The following NCAM2 variants were observed in gnomAD, a reference collection of about 807,000 sequenced individuals.
NCAM2 encodes the protein neural cell adhesion molecule 2, also known as N-CAM-2.
In NCAM2, 30 loss-of-function variants were observed where a neutral mutation model predicts 98.1. The observed-to-expected ratio is 0.31, with a 90% CI of 0.23 to 0.41. NCAM2 has a LOEUF of 0.41. Among genes scored for constraint, NCAM2 ranks in the 10% least tolerant of loss-of-function variants. The pLI is 1.00. For synonymous variants in NCAM2, 368 were observed against 342.4 expected, an observed-to-expected ratio of 1.07 and a Z score of -0.83; for missense variants, 867 against 1,005.8, an observed-to-expected ratio of 0.86 and a Z score of 1.87.
chr21:21,360,174 G>A (rs1471957283), intron 8 of NCAM2, among the ~76,000 whole-genome samples: 2 of 151,726 alleles, frequency 1.3e-5, no homozygotes, highest in Non-Finnish European at 3.0e-5. Context: ...TAATAAGATG[G>A]AATCCATTAT....
intron 9 of NCAM2, among the ~76,000 whole-genome samples, chr21:21,390,129 C>G (rs1471936898): frequency 6.6e-6 from 1 of 152,008 alleles, no homozygotes; most frequent in Non-Finnish European, 1.5e-5. Flanking sequence ...ATTACAGGTG[C>G]GAGCCACCGC....
intron 12 of NCAM2, among the ~76,000 whole-genome samples, chr21:21,457,471 T>G (rs114595218): frequency 0.061 from 9,327 of 152,018 alleles, 397 homozygotes; most frequent in African/African-American, 0.11. Context: ...GAAACCTTGT[T>G]TCTACCAAAA....
chr21:21,079,681 A>T (rs1383785045), intron 1 of NCAM2, among the ~76,000 whole-genome samples: 1 of 151,954 alleles, frequency 6.6e-6, no homozygotes, highest in Non-Finnish European at 1.5e-5. Flanking sequence ...TCTGCCCCCT[A>T]CCCAGATACT....
At chr21:21,128,818 G>A (rs2066879533) in intron 1 of NCAM2, among the ~76,000 whole-genome samples, 1 of 152,048 alleles carries the variant, frequency 6.6e-6, no homozygotes, top group Non-Finnish European at 1.5e-5. Context: ...CCTTGGAAAT[G>A]GCAAAAATAT....
Position 21,168,368 on chromosome 21 carries a change from C to T in NCAM2, c.56-112210C>T, listed in dbSNP as rs573546695. ...ACTTGGTGTTAAATTAGAGCCTTCCCATTAAGATTCGGGAGTAAGCTCAGG... is the reference window on the plus strand; with the variant it reads ...ACTTGGTGTTAAATTAGAGCCTTCCTATTAAGATTCGGGAGTAAGCTCAGG... On this transcript the variant is annotated intron_variant, in intron 1 of 17. Transcript: ENST00000400546. Among the ~76,000 whole-genome samples the T allele has an allele frequency of 4.7e-4, 71 of 152,102 alleles. 2 individuals carry two copies. The highest frequency in any genetic ancestry group is 7.1e-4 in the Non-Finnish European group (48 of 68,000).
intron 1 of NCAM2, among the ~76,000 whole-genome samples, chr21:21,034,253 A>T (rs755975678): frequency 5.3e-5 from 8 of 152,164 alleles, no homozygotes; most frequent in Non-Finnish European, 1.0e-4. Flanking sequence ...TGGTGTAAGC[A>T]TACACCATAT....
At chr21:21,344,058 G>T (rs184648966) in intron 8 of NCAM2, among the ~76,000 whole-genome samples, 5 of 152,284 alleles carry the variant, frequency 3.3e-5, no homozygotes, top group Middle Eastern at 6.8e-3. Context: ...GCCACAGCAA[G>T]ATAGGGCAAC....
At chr21:21,361,207 G>A (rs1220789127) in intron 8 of NCAM2, among the ~76,000 whole-genome samples, 1 of 151,826 alleles carries the variant, frequency 6.6e-6, no homozygotes, top group African/African-American at 2.4e-5. Context: ...AACTTTTAAA[G>A]CTATTCTTAT....
intron 1 of NCAM2, among the ~76,000 whole-genome samples, chr21:21,097,939 CAA>C (rs929863914): frequency 1.2e-3 from 22 of 18,706 alleles, no homozygotes; most frequent in Non-Finnish European, 5.9e-3. Flanking sequence ...GGGCTTGAAT[CAA>C]GAGTAAAAAT....
intron 11 of NCAM2, among the ~76,000 whole-genome samples, chr21:21,418,842 G>A (rs372280084): frequency 7.2e-5 from 11 of 152,216 alleles, no homozygotes; most frequent in East Asian, 5.8e-4. Flanking sequence ...TTCACAATAA[G>A]TTATTGCATA....
At position 21,402,266 on chromosome 21, in the gene NCAM2, G is replaced by GGAATAT. The variant is rs1157960988; in HGVS notation, c.1196-8007_1196-8002dup. ...TATGGCTAAATTCTTTTCCTAGCAA[G>GGAATAT]GAATATAATATTAAGACCCTAGGAA... On this transcript the variant is annotated intron_variant, in intron 9 of 17. Transcript: ENST00000400546. 2.6e-5 allele frequency among the ~76,000 whole-genome samples: 4 copies of GGAATAT among 152,148 alleles called. No individual in the cohort carries two copies. The South Asian group carries it at 8.3e-4, about 32-fold the overall frequency.
chr21:21,321,530 A>G (rs1312888714), intron 5 of NCAM2, among the ~76,000 whole-genome samples: 1 of 152,110 alleles, frequency 6.6e-6, no homozygotes, highest in African/African-American at 2.4e-5. Context: ...TTTTTTATAT[A>G]TACTTTTTTA....
At chr21:21,431,859 T>A (rs990623692) in intron 11 of NCAM2, among the ~76,000 whole-genome samples, 2 of 152,168 alleles carry the variant, frequency 1.3e-5, no homozygotes, top group Admixed American at 6.5e-5. Flanking sequence ...AGTAACATAT[T>A]CCCTCAATAA....
intron 1 of NCAM2, among the ~76,000 whole-genome samples, chr21:21,117,542 T>C (rs1203284856): frequency 1.3e-5 from 2 of 152,264 alleles, no homozygotes; most frequent in Middle Eastern, 3.4e-3. Flanking sequence ...TATATGATAA[T>C]GCAATGAAAT....
At chr21:21,301,475 G>A (rs1440275864) in intron 5 of NCAM2, among the ~76,000 whole-genome samples, 6 of 143,568 alleles carry the variant, frequency 4.2e-5, no homozygotes, top group Non-Finnish European at 7.6e-5. Flanking sequence ...ATGCTGGTGC[G>A]CTGCACCCAC....
intron 1 of NCAM2, among the ~76,000 whole-genome samples, chr21:21,183,721 T>A (rs1229396411): frequency 6.6e-6 from 1 of 152,164 alleles, no homozygotes; most frequent in East Asian, 1.9e-4. Context: ...ATAATGTAGA[T>A]GAGTCTCAGA....
At chr21:21,480,183 A>G (rs1312149191) in intron 15 of NCAM2, among the ~76,000 whole-genome samples, 3 of 151,768 alleles carry the variant, frequency 2.0e-5, no homozygotes, top group Admixed American at 6.6e-5. Flanking sequence ...TGACTAACAC[A>G]GTGAAACCCC....
chr21:21,069,738 C>A (rs1311076503), intron 1 of NCAM2, among the ~76,000 whole-genome samples: 1 of 151,958 alleles, frequency 6.6e-6, no homozygotes. Context: ...GGTAGAGGTA[C>A]AAAGCTAAAA....
rs576497093 is a variant in NCAM2 at position 21,261,735 on chromosome 21, G to A, written c.56-18843G>A. On this transcript the variant is annotated intron_variant, in intron 1 of 17. Coordinates refer to ENST00000400546, the MANE Select transcript of NCAM2 (RefSeq NM_004540.5). ...GTTGTGTTAAGATGAAAGCAGTAGT[G>A]CTAAATGCCTACATCAAAATGATAG... Among the ~76,000 whole-genome samples, 5 of 152,160 alleles carry A rather than the reference G, an allele frequency of 3.3e-5. No individual in the cohort carries two copies. In the South Asian group the frequency reaches 1.0e-3, roughly 32 times the overall value.
Sources: gnomAD v4.1 joint callset for allele counts (sites outside exome capture counted in the v4.1 genomes callset) on GRCh38, gnomAD v4.1.1 for gene constraint, MANE v1.5 for transcripts, NCBI Gene and HGNC (gene_info 2026-07-23, HGNC 2026-07-21) for gene names.